Variants in SYNDIG1L observed in about 807,000 individuals in gnomAD.
The protein encoded by SYNDIG1L is synapse differentiation-inducing gene protein 1-like.
In SYNDIG1L, 13 loss-of-function variants were observed where a neutral mutation model predicts 20.1. The ratio of observed to expected loss-of-function variants is 0.65; its 90% confidence interval spans 0.42 to 1.03. SYNDIG1L has a LOEUF of 1.03. Ranked by LOEUF, SYNDIG1L falls within the 50% of genes least tolerant of loss-of-function variation. The probability of loss-of-function intolerance (pLI) is 0.00; values close to 1 mark genes in which losing one functional copy is unlikely to be tolerated. For synonymous variants in SYNDIG1L, 128 were observed against 129.3 expected, an observed-to-expected ratio of 0.99 and a Z score of 0.07; for missense variants, 294 against 305.1, an observed-to-expected ratio of 0.96 and a Z score of 0.27.
At chr14:74,443,993 A>T in the SYNDIG1L span, among the ~76,000 whole-genome samples, 2 of 152,348 alleles carry the variant, frequency 1.3e-5, no homozygotes, top group South Asian at 4.1e-4. Context: ...AGCCCTGTGT[A>T]ATTTAGCAAT....
chr14:74,420,390 C>A (rs74405746), intron 1 of SYNDIG1L, among the ~76,000 whole-genome samples: 997 of 98,770 alleles, frequency 0.01, no homozygotes, highest in Admixed American at 0.014. Context: ...GAGACTCTGT[C>A]AAAAAAAAAA....
At chr14:74,455,892 C>T in the SYNDIG1L span, among the ~76,000 whole-genome samples, 19 of 152,202 alleles carry the variant, frequency 1.2e-4, 1 homozygote. Flanking sequence ...GAATGGTGTT[C>T]CTCTTTCTCT....
At chr14:74,464,066 T>C in the SYNDIG1L span, among the ~76,000 whole-genome samples, 1 of 152,190 alleles carries the variant, frequency 6.6e-6, no homozygotes, top group Non-Finnish European at 1.5e-5. Context: ...GTGGCAACCC[T>C]TGGGCTGCAG....
chr14:74,449,106 G>A, the SYNDIG1L span, among the ~76,000 whole-genome samples: 10 of 151,832 alleles, frequency 6.6e-5, no homozygotes, highest in Non-Finnish European at 1.5e-4. Context: ...GGTGGTGTGT[G>A]CCTATAGTCT....
chr14:74,430,059 C>T (rs4899513), upstream of SYNDIG1L, among the ~76,000 whole-genome samples: 32 of 152,288 alleles, frequency 2.1e-4, no homozygotes, highest in South Asian at 2.9e-3. Context: ...TTCTTAGCAC[C>T]GGTCCCGCCC....
At chr14:74,431,447 G>A in the SYNDIG1L span, among the ~76,000 whole-genome samples, 1 of 151,986 alleles carries the variant, frequency 6.6e-6, no homozygotes, top group Non-Finnish European at 1.5e-5. Flanking sequence ...ATACTCTTTG[G>A]TCCAGGACAT....
At chr14:74,416,316 T>C (rs991625354) in intron 1 of SYNDIG1L, among the ~76,000 whole-genome samples, 4 of 152,202 alleles carry the variant, frequency 2.6e-5, no homozygotes, top group African/African-American at 9.7e-5. Flanking sequence ...TTTTGTCATG[T>C]GTATTATATC....
chr14:74,419,874 T>C (rs2086207728), intron 1 of SYNDIG1L, among the ~76,000 whole-genome samples: 1 of 151,972 alleles, frequency 6.6e-6, no homozygotes, highest in African/African-American at 2.4e-5. Context: ...GGTAGTGATA[T>C]AGAGGGGAAG....
the SYNDIG1L span, among the ~76,000 whole-genome samples, chr14:74,461,818 T>C: frequency 6.7e-6 from 1 of 148,406 alleles, no homozygotes; most frequent in Non-Finnish European, 1.5e-5. Flanking sequence ...CAGTGGCTCA[T>C]GTCTGTAATG....
chr14:74,461,025 G>A, the SYNDIG1L span, among the ~76,000 whole-genome samples: 2 of 151,990 alleles, frequency 1.3e-5, no homozygotes, highest in Middle Eastern at 3.4e-3. Flanking sequence ...TTTGGCATAA[G>A]CCCCAGCTCA....
chr14:74,440,520 A>AC, the SYNDIG1L span, among the ~76,000 whole-genome samples: 5,094 of 149,754 alleles, frequency 0.034, 117 homozygotes, highest in African/African-American at 0.047. Context: ...GTCTCATAAA[A>AC]AAAAAAAAAA....
At chr14:74,427,118 C>CTT (rs34437070), upstream of SYNDIG1L, among the ~76,000 whole-genome samples, 43,224 of 116,518 alleles carry the variant, frequency 0.37, 8,663 homozygotes, top group Non-Finnish European at 0.42. Flanking sequence ...CCTGCGTTTC[C>CTT]TTTTTTTTTT....
At chr14:74,432,084 T>C in the SYNDIG1L span, among the ~76,000 whole-genome samples, 5 of 151,270 alleles carry the variant, frequency 3.3e-5, no homozygotes, top group Admixed American at 6.6e-5. Flanking sequence ...AGCCTACTGT[T>C]TCCTTTTTGC....
chr14:74,468,900 C>T, the SYNDIG1L span, among the ~76,000 whole-genome samples: 2 of 152,184 alleles, frequency 1.3e-5, no homozygotes, highest in African/African-American at 4.8e-5. Flanking sequence ...CTCCAGGAAC[C>T]CTTCCCCAAA....
the SYNDIG1L span, among the ~76,000 whole-genome samples, chr14:74,450,128 T>C: frequency 1.3e-5 from 2 of 152,162 alleles, no homozygotes; most frequent in Non-Finnish European, 2.9e-5. Context: ...GTGAAATGGA[T>C]AATTTCCTTA....
the SYNDIG1L span, among the ~76,000 whole-genome samples, chr14:74,443,890 C>T: frequency 5.9e-5 from 9 of 152,094 alleles, no homozygotes; most frequent in Non-Finnish European, 1.0e-4. Flanking sequence ...TCCAAACCTC[C>T]ACGGAATCTC....
the SYNDIG1L span, among the ~76,000 whole-genome samples, chr14:74,447,510 C>G: frequency 6.6e-6 from 1 of 151,552 alleles, no homozygotes; most frequent in Non-Finnish European, 1.5e-5. Context: ...TTGCTTGAAC[C>G]TGGGAGGTGG....
At chr14:74,477,683 T>G in the SYNDIG1L span, among the ~76,000 whole-genome samples, 3 of 152,346 alleles carry the variant, frequency 2.0e-5, no homozygotes, top group South Asian at 6.2e-4. Context: ...AAACTGGAGA[T>G]ATGAGGTGTT....
upstream of SYNDIG1L, among the ~76,000 whole-genome samples, chr14:74,429,998 C>T (rs117920731): frequency 8.5e-4 from 129 of 152,214 alleles, no homozygotes; most frequent in Non-Finnish European, 1.7e-3. Flanking sequence ...CGGAAGAAGC[C>T]ATTTCTTTAG....
Sources: gnomAD v4.1 joint callset for allele counts (sites outside exome capture counted in the v4.1 genomes callset) on GRCh38, gnomAD v4.1.1 for gene constraint, MANE v1.5 for transcripts, NCBI Gene and HGNC (gene_info 2026-07-23, HGNC 2026-07-21) for gene names.